The following CDH24 variants were observed in gnomAD, a reference collection of about 807,000 sequenced individuals.
CDH24 encodes cadherin-24.
In CDH24, 61 loss-of-function variants were observed where a neutral mutation model predicts 71.2. The ratio of observed to expected loss-of-function variants is 0.86; its 90% confidence interval spans 0.70 to 1.06. The LOEUF (loss-of-function observed/expected upper bound fraction) is 1.06. Among genes scored for constraint, CDH24 ranks in the 50% least tolerant of loss-of-function variants. CDH24 has a pLI of 0.00. For synonymous variants in CDH24, 440 were observed against 470.2 expected (o/e 0.94, Z 0.83); for missense variants, 961 against 1,083.7 (o/e 0.89, Z 1.59).
Position 23,054,575 on chromosome 14 carries a change from G to GC in CDH24, c.714dup (p.Leu239AlafsTer67), listed in dbSNP as rs765496989. ...ACAGTCACCGTAGTGCTGCCTGACA[G>GC]CCCCCCCATGTGGCCGCCCATGTCC... On this transcript the variant is annotated frameshift_variant, in exon 5 of 13. Coordinates refer to ENST00000487137, the MANE Select transcript of CDH24 (RefSeq NM_144985.4). LOFTEE classifies it high-confidence loss of function. This position sits in a 1 kb window ranked among gnomAD's most constrained non-coding sequence, Gnocchi z 5.2. The GC allele has an allele frequency of 1.7e-5, 28 of 1,613,836 alleles. No homozygotes were observed. The highest frequency in any genetic ancestry group is 1.7e-5 in the Admixed American group (1 of 60,008).
intron 1 of CDH24, among the ~76,000 whole-genome samples, chr14:23,056,425 T>C (rs1244731216): frequency 6.6e-6 from 1 of 151,940 alleles, no homozygotes; most frequent in Non-Finnish European, 1.5e-5. Flanking sequence ...GAGCCAGAGC[T>C]GAAGGAAGAG....
chr14:23,049,345 A>G, intron 10 of CDH24, 70 bp from the exon 11 acceptor site: 1 of 1,437,092 alleles, frequency 7.0e-7, no homozygotes, highest in Non-Finnish European at 9.4e-7. Flanking sequence ...CAGCCCATAG[A>G]GCCAGCTTCC....
rs1402808397 is a variant in CDH24, at chr14:23,048,263, G to C, written c.2063C>G (p.Ala688Gly). Residue 688 changes from alanine (A) to glycine (G), a missense_variant, in exon 12 of 13, where the codon GCC becomes GGC. Physicochemically the swap from Ala to Gly is moderately conservative, Grantham distance 60. Transcript: ENST00000487137. ...PPARRDVLPR[A>G]RVSRQPRPPG... ...GGGTCTGGGCTGGCGCGACACCCGG[G>C]CCCGGGGCAACACGTCTCGGCGCGC... 1 of 1,485,030 alleles carries C rather than the reference G, an allele frequency of 6.7e-7. No homozygotes were observed. 92.0% of individuals were successfully genotyped at this position (1,485,030 alleles called of 1,614,324 possible). A position where few individuals can be genotyped will look rare whatever the true frequency, so the allele number is the denominator to read the frequency against.
chr14:23,054,680 A>G lies in CDH24; in HGVS notation c.617-7T>C. ...ATGGCTGTACGCACCACTCCTAGGG[A>G]GAGATGCTGGTCAGAGGGTGTCTGT... On this transcript the variant is annotated splice_region_variant and splice_polypyrimidine_tract_variant and intron_variant, in intron 4 of 12. Coordinates refer to ENST00000487137, the MANE Select transcript of CDH24 (RefSeq NM_144985.4). The surrounding 1 kb of genome is among the most constrained non-coding windows in gnomAD (Gnocchi z 5.2). The G allele has an allele frequency of 1.2e-6, 2 of 1,613,680 alleles. No homozygotes were observed. Among genetic ancestry groups the G allele is most frequent in the Non-Finnish European group, 1.7e-6 (2 of 1,179,868 alleles).
intron 6 of CDH24, 35 bp from the exon 7 acceptor site, chr14:23,053,784 T>C (rs2047103384): frequency 2.6e-6 from 4 of 1,568,160 alleles, no homozygotes; most frequent in Non-Finnish European, 3.5e-6. Context: ...AAGTGAGGCA[T>C]GTGGAAACCA....
At position 23,055,966 on chromosome 14, in the gene CDH24, G is replaced by A; in HGVS notation, c.-124-109C>T. The A allele has an allele frequency of 1.9e-6, 1 of 531,916 alleles. No individual in the cohort carries two copies. The highest frequency in any genetic ancestry group is 3.4e-6 in the Non-Finnish European group (1 of 297,448). The allele number at this position is 531,916 out of a possible 1,614,324, so 32.9% of individuals were successfully genotyped here. On this transcript the variant is annotated intron_variant, in intron 1 of 12. Coordinates refer to ENST00000487137, the MANE Select transcript of CDH24 (RefSeq NM_144985.4). The surrounding 1 kb of genome is among the most constrained non-coding windows in gnomAD (Gnocchi z 4.1). ...AAGGAACCAGACACTCCACTGCCCA[G>A]AACTCAGACTAAGACAGAGAGCAGA...
Position 23,048,312 on chromosome 14 carries a change from C to G in CDH24, c.2014G>C (p.Ala672Pro). ...ITALQNPDGA[A>P]PPAPGPPARR... is the part of the protein sequence containing the mutation. The stretch of plus-strand genomic sequence containing the variant: ...GCGGGAGGGCCGGGCGCCGGGGGGG[C>G]CGCCCCGTCCGGGTTCTGCAAGGCC... The change falls in exon 12 of 13, where the codon GCC becomes CCC. Residue 672 changes from alanine to proline, a missense_variant. Ala to Pro is a conservative substitution (Grantham distance 27). Transcript: ENST00000487137. 6.2e-7 allele frequency: 1 copy of G among 1,605,418 alleles called. No homozygotes were observed. The highest frequency in any genetic ancestry group is 2.2e-5 in the East Asian group (1 of 44,486).
At position 23,048,218 on chromosome 14, in the gene CDH24, G is replaced by T; in HGVS notation, c.2108C>A (p.Ala703Glu). 2 of 1,310,430 alleles carry T rather than the reference G, an allele frequency of 1.5e-6. No individual in the cohort carries two copies. The highest frequency in any genetic ancestry group is 2.0e-5 in the South Asian group (1 of 49,428). The allele number at this position is 1,310,430 out of a possible 1,614,324, so 81.2% of individuals were successfully genotyped here. The stretch of plus-strand genomic sequence containing the variant: ...GCGGAGCCGCAGCGCCAGGAGCTGC[G>T]CCACGTCGGCGGGGCCGGGGGGTCT... Reference protein sequence around the residue: ...QPRPPGPADVAQLLALRLREA... With the variant: ...QPRPPGPADVEQLLALRLREA... Residue 703 changes from alanine (A) to glutamate (E), a missense_variant, in exon 12 of 13, where the codon GCG becomes GAG. Physicochemically the swap from Ala to Glu is moderately radical, Grantham distance 107. Transcript: ENST00000487137.
Position 23,054,947 on chromosome 14 carries a change from G to A in CDH24, c.497-81C>T, listed in dbSNP as rs147176580. The A allele has an allele frequency of 2.3e-3, 3,626 of 1,597,090 alleles. 87 individuals carry two copies. In the African/African-American group the frequency reaches 0.044, roughly 19 times the overall value. On this transcript the variant is annotated intron_variant, in intron 3 of 12. Coordinates refer to ENST00000487137, the MANE Select transcript of CDH24 (RefSeq NM_144985.4). This position sits in a 1 kb window ranked among gnomAD's most constrained non-coding sequence, Gnocchi z 5.2. ...AACCGATGGGGGGGGATGCAGATAC[G>A]AGGGAGGCTGAATTGAAGGGGGCAG...
In CDH24 at chr14:23,053,553, C is replaced by G; in HGVS notation, c.1169G>C (p.Gly390Ala). ...HLTVPENKAP[G>A]TLVGQISAAD... is the part of the protein sequence containing the mutation. ...CGCGGAGATCTGGCCTACCAGGGTC[C>G]CCGGGGCCTTGTTCTCAGGCACTGT... Residue 390 changes from glycine (G) to alanine (A), a missense_variant, in exon 7 of 13, where the codon GGG becomes GCG. Gly to Ala is a moderately conservative substitution (Grantham distance 60). Around this residue, in one of 2 missense-constraint regions of CDH24, gnomAD observed 671 missense variants for 810.9 expected, o/e 0.83. Coordinates refer to ENST00000487137, the MANE Select transcript of CDH24 (RefSeq NM_144985.4). 6.2e-7 allele frequency: 1 copy of G among 1,609,538 alleles called. No individual in the cohort carries two copies. Among genetic ancestry groups the G allele is most frequent in the Non-Finnish European group, 8.5e-7 (1 of 1,176,596 alleles).
rs1436621035 is a variant in CDH24, at chr14:23,054,858, C to CT, written c.504dup (p.Val169SerfsTer10). 7 of 1,613,158 alleles carry CT rather than the reference C, an allele frequency of 4.3e-6. No homozygotes were observed. The highest frequency in any genetic ancestry group is 5.9e-6 in the Non-Finnish European group (7 of 1,180,008). ...GCATCGTGAGCAGTCACCTGGATCA[C>CT]TGATGTCCCTGTGGGGGATGCCAGC... On this transcript the variant is annotated frameshift_variant, in exon 4 of 13. Coordinates refer to ENST00000487137, the MANE Select transcript of CDH24 (RefSeq NM_144985.4). LOFTEE classifies it high-confidence loss of function. The surrounding 1 kb of genome is among the most constrained non-coding windows in gnomAD (Gnocchi z 5.2).
In CDH24 at chr14:23,052,512, G is replaced by T; in HGVS notation, c.1324C>A (p.Arg442Ser). Reference sequence around the variant, plus strand: ...AGCACAGTGAGGTTGTGCCAGGCGCGAGCCTCGCGATCCAGGGGTGCTGCT... The same window carrying T: ...AGCACAGTGAGGTTGTGCCAGGCGCTAGCCTCGCGATCCAGGGGTGCTGCT... ...HTAAPLDREA[R>S]AWHNLTVLAT... Residue 442 changes from arginine to serine, a missense_variant, in exon 8 of 13, where the codon CGC (arginine) becomes AGC (serine). Physicochemically the swap from Arg to Ser is moderately radical, Grantham distance 110. Transcript: ENST00000487137. 1 of 1,614,074 alleles carries T rather than the reference G, an allele frequency of 6.2e-7. No individual in the cohort carries two copies. Among genetic ancestry groups the T allele is most frequent in the Non-Finnish European group, 8.5e-7 (1 of 1,180,008 alleles).
chr14:23,050,099 G>C, intron 8 of CDH24, 156 bp from the exon 9 acceptor site: 2 of 1,049,254 alleles, frequency 1.9e-6, no homozygotes, highest in Non-Finnish European at 2.7e-6. Context: ...AAACAATGTT[G>C]CAGAATGAAT....
In CDH24 at chr14:23,048,103, G is replaced by C. The variant is rs906306281; in HGVS notation, c.2223C>G (p.Ser741Arg). The part of the protein sequence containing the change: ...EGRGSSCGSL[S>R]SLGSGSEAGG... ...CGGCTTCGCTGCCGGAGCCCAGGGAGCTGAGGGAGCCGCAAGAGGAGCCGC... is the reference window on the plus strand; with the variant it reads ...CGGCTTCGCTGCCGGAGCCCAGGGACCTGAGGGAGCCGCAAGAGGAGCCGC... The change falls in exon 12 of 13, where the codon AGC becomes AGG. Residue 741 changes from serine (S) to arginine (R), a missense_variant. By Grantham distance (110) the Ser-to-Arg change is moderately radical. Coordinates refer to ENST00000487137, the MANE Select transcript of CDH24 (RefSeq NM_144985.4). 7.1e-7 allele frequency: 1 copy of C among 1,410,564 alleles called. No homozygotes were observed. Among genetic ancestry groups the C allele is most frequent in the African/African-American group, 1.5e-5 (1 of 65,492 alleles). The allele number at this position is 1,410,564 out of a possible 1,614,324, so 87.4% of individuals were successfully genotyped here.
Position 23,054,274 on chromosome 14 carries a change from C to T in CDH24, c.839G>A (p.Arg280Gln), listed in dbSNP as rs757586503. The stretch of plus-strand genomic sequence containing the variant: ...CAGGTCTGGGTCCTGGGCCCGGAGC[C>T]GGCCCACCAGTGTGCCAGGTCCAGC... ...ETAGPGTLVG[R>Q]LRAQDPDLGD... Residue 280 changes from arginine (R) to glutamine (Q), a missense_variant, in exon 6 of 13, where the codon CGG becomes CAG. By Grantham distance (43) the Arg-to-Gln change is conservative (BLOSUM62 1). Around this residue, in one of 2 missense-constraint regions of CDH24, gnomAD observed 671 missense variants for 810.9 expected, o/e 0.83. Transcript: ENST00000487137. The surrounding 1 kb of genome is among the most constrained non-coding windows in gnomAD (Gnocchi z 5.2). 2.3e-5 allele frequency: 37 copies of T among 1,612,748 alleles called. No homozygotes were observed. The highest frequency in any genetic ancestry group is 2.5e-5 in the Non-Finnish European group (30 of 1,179,346).
chr14:23,055,639 C>G lies in CDH24; in HGVS notation c.95G>C (p.Arg32Pro). ...CAGCAGAGCAGGCCCTGGGTGTTCC[C>G]GGGACCCTGCCCAGGCCCGGGCTGG... is the stretch of plus-strand genomic sequence containing the variant. ...AAPARAWAGS[R>P]EHPGPALLRT... Residue 32 changes from arginine (R) to proline (P), a missense_variant, in exon 2 of 13, where the codon CGG becomes CCG. Physicochemically the swap from Arg to Pro is moderately radical, Grantham distance 103 (BLOSUM62 -2). Transcript: ENST00000487137. The surrounding 1 kb of genome is among the most constrained non-coding windows in gnomAD (Gnocchi z 4.1). 1.2e-6 allele frequency: 2 copies of G among 1,612,416 alleles called. No homozygotes were observed. Among genetic ancestry groups the G allele is most frequent in the Non-Finnish European group, 1.7e-6 (2 of 1,179,508 alleles).
chr14:23,048,101 G>T lies in CDH24; in HGVS notation c.2225C>A (p.Ser742Tyr). 1 of 1,410,078 alleles carries T rather than the reference G, an allele frequency of 7.1e-7. No homozygotes were observed. Among genetic ancestry groups the T allele is most frequent in the South Asian group, 1.5e-5 (1 of 68,732 alleles). 87.3% of individuals were successfully genotyped at this position (1,410,078 alleles called of 1,614,324 possible). ...GCCGGCTTCGCTGCCGGAGCCCAGG[G>T]AGCTGAGGGAGCCGCAAGAGGAGCC... ...GRGSSCGSLS[S>Y]LGSGSEAGGA... is the part of the protein sequence containing the mutation. Residue 742 changes from serine to tyrosine, a missense_variant, in exon 12 of 13, where the codon TCC becomes TAC. Ser to Tyr is a moderately radical substitution (Grantham distance 144). This residue lies in a region of CDH24 where 290 missense variants were observed against 272.8 expected (regional missense o/e 1.06). Coordinates refer to ENST00000487137, the MANE Select transcript of CDH24 (RefSeq NM_144985.4).
At chr14:23,050,164 C>A (rs2047075523) in intron 8 of CDH24, 2 of 541,260 alleles carry the variant, frequency 3.7e-6, no homozygotes, top group African/African-American at 3.8e-5. Flanking sequence ...ATGTGCGATA[C>A]ACAATAGACA....
rs2139948100 is a variant in CDH24, at chr14:23,053,768, G to A, written c.973-19C>T. On this transcript the variant is annotated intron_variant, in intron 6 of 12. Coordinates refer to ENST00000487137, the MANE Select transcript of CDH24 (RefSeq NM_144985.4). ...CTAGGGGCTATGGTGAGGGGAGAGG[G>A]AGAAAAAGTGAGGCATGTGGAAACC... 2 of 1,577,924 alleles carry A rather than the reference G, an allele frequency of 1.3e-6. No homozygotes were observed. Among genetic ancestry groups the A allele is most frequent in the East Asian group, 2.3e-5 (1 of 44,276 alleles).
Sources: allele counts gnomAD v4.1 joint callset (sites outside exome capture counted in the v4.1 genomes callset), GRCh38; gene constraint gnomAD v4.1.1; regional missense constraint gnomAD v4.1.1; non-coding constraint Gnocchi (gnomAD v3.1); transcripts MANE v1.5; gene names NCBI Gene and HGNC (gene_info 2026-07-23, HGNC 2026-07-21).